Variants in KIAA1217 observed in about 807,000 individuals in gnomAD.
KIAA1217 encodes sickle tail protein homolog.
Under a neutral mutation model 163.9 loss-of-function variants are expected in KIAA1217, and 88 were observed. The observed-to-expected ratio is 0.54, with a 90% CI of 0.45 to 0.64. The LOEUF (loss-of-function observed/expected upper bound fraction) is 0.64. Among genes scored for constraint, KIAA1217 ranks in the 30% least tolerant of loss-of-function variants. KIAA1217 has a pLI of 0.00. For missense variants in KIAA1217, 2,372 were observed against 2,475.0 expected (o/e 0.96, Z 0.88); for synonymous variants, 903 against 923.1 (o/e 0.98, Z 0.39).
chr10:24,439,593 A>G (rs1298271882), intron 5 of KIAA1217, among the ~76,000 whole-genome samples: 1 of 152,108 alleles, frequency 6.6e-6, no homozygotes, highest in African/African-American at 2.4e-5. Context: ...CTGGTCTGAC[A>G]TAAGGGGTCA....
chr10:23,918,765 CAT>C (rs202081168), intron 1 of KIAA1217, among the ~76,000 whole-genome samples: 14 of 150,176 alleles, frequency 9.3e-5, no homozygotes, highest in Non-Finnish European at 1.3e-4. Flanking sequence ...CACACACACA[CAT>C]ATATAGTAAG....
intron 1 of KIAA1217, among the ~76,000 whole-genome samples, chr10:24,003,926 A>T (rs1298812791): frequency 6.6e-6 from 1 of 152,208 alleles, no homozygotes; most frequent in African/African-American, 2.4e-5. Flanking sequence ...AAGTCTTACG[A>T]ACTGGGTAGC....
At chr10:24,272,005 A>C in intron 2 of KIAA1217, among the ~76,000 whole-genome samples, 1 of 152,146 alleles carries the variant, frequency 6.6e-6, no homozygotes, top group East Asian at 1.9e-4. Flanking sequence ...ACCAAAGCCC[A>C]TGGGATGCTC....
intron 1 of KIAA1217, among the ~76,000 whole-genome samples, chr10:23,816,321 TC>T (rs1837311574): frequency 6.6e-6 from 1 of 152,096 alleles, no homozygotes; most frequent in South Asian, 2.1e-4. Flanking sequence ...TGAGGCGGAA[TC>T]TCCTCTGTTG....
At chr10:24,099,960 T>G (rs982861721) in intron 2 of KIAA1217, among the ~76,000 whole-genome samples, 6 of 152,048 alleles carry the variant, frequency 3.9e-5, no homozygotes, top group Non-Finnish European at 8.8e-5. Context: ...AGACTTGATA[T>G]GATTTCCTTG....
At chr10:23,880,331 G>C (rs1840894261) in intron 1 of KIAA1217, among the ~76,000 whole-genome samples, 4 of 151,904 alleles carry the variant, frequency 2.6e-5, no homozygotes, top group Admixed American at 2.6e-4. Context: ...TTTATGTTAA[G>C]TAAAATGAGC....
At position 24,536,693 on chromosome 10, in the gene KIAA1217, G is replaced by A. The variant is rs373295944; in HGVS notation, c.3415-81G>A. On this transcript the variant is annotated intron_variant, in intron 16 of 20. Transcript: ENST00000376454. ...AGGACCCGGGTTGGGGTCCACAAGCGTCTGGTTGTTCCTGCCTGTTTCCCT... is the reference window on the plus strand; with the variant it reads ...AGGACCCGGGTTGGGGTCCACAAGCATCTGGTTGTTCCTGCCTGTTTCCCT... The A allele has an allele frequency of 1.2e-4, 172 of 1,485,304 alleles. 1 individual carries two copies. The highest frequency in any genetic ancestry group is 3.3e-4 in the East Asian group (14 of 42,220). 92.0% of individuals were successfully genotyped at this position (1,485,304 alleles called of 1,614,324 possible).
chr10:24,106,538 T>G (rs1194347272), intron 2 of KIAA1217, among the ~76,000 whole-genome samples: 1 of 151,806 alleles, frequency 6.6e-6, no homozygotes, highest in Non-Finnish European at 1.5e-5. Context: ...ATTCAAGCTC[T>G]AACTGCCTAA....
chr10:24,201,069 G>A (rs1306488368), intron 2 of KIAA1217, among the ~76,000 whole-genome samples: 2 of 152,012 alleles, frequency 1.3e-5, no homozygotes, highest in Non-Finnish European at 2.9e-5. Flanking sequence ...TCAGGCGTTC[G>A]AGACCAGTCT....
chr10:24,099,745 C>G (rs1053444516), intron 2 of KIAA1217, among the ~76,000 whole-genome samples: 17 of 143,780 alleles, frequency 1.2e-4, no homozygotes, highest in Non-Finnish European at 2.1e-4. Context: ...CCCCCTCCCC[C>G]CATCCCACAA....
At chr10:24,075,401 T>C (rs2061337987) in intron 2 of KIAA1217, among the ~76,000 whole-genome samples, 1 of 152,158 alleles carries the variant, frequency 6.6e-6, no homozygotes, top group Non-Finnish European at 1.5e-5. Context: ...TTTTACTACA[T>C]ATTTTGAGTT....
chr10:24,134,328 A>T (rs1315950256), intron 2 of KIAA1217, among the ~76,000 whole-genome samples: 1 of 152,222 alleles, frequency 6.6e-6, no homozygotes, highest in Non-Finnish European at 1.5e-5. Context: ...GAGAGCAATT[A>T]GTTCCATTTG....
chr10:23,917,601 T>C (rs1321750126), intron 1 of KIAA1217, among the ~76,000 whole-genome samples: 1 of 152,112 alleles, frequency 6.6e-6, no homozygotes, highest in African/African-American at 2.4e-5. Flanking sequence ...TAGTTTTAGT[T>C]TGGAGATGTC....
At chr10:23,843,638 G>A (rs981303278) in intron 1 of KIAA1217, among the ~76,000 whole-genome samples, 1 of 152,142 alleles carries the variant, frequency 6.6e-6, no homozygotes, top group Non-Finnish European at 1.5e-5. Context: ...TTTGGCCAAT[G>A]GTGATACCCA....
intron 1 of KIAA1217, among the ~76,000 whole-genome samples, chr10:23,794,433 A>G (rs772585981): frequency 6.6e-6 from 1 of 152,198 alleles, no homozygotes; most frequent in African/African-American, 2.4e-5. Context: ...GCAAAGCTCA[A>G]GTTTTCACTA....
chr10:24,520,627 CAAAAAAAAAAAAAA>C (rs71472812), intron 11 of KIAA1217, among the ~76,000 whole-genome samples: 10 of 44,942 alleles, frequency 2.2e-4, no homozygotes, highest in Admixed American at 8.1e-4. Context: ...ACATCTCTAC[CAAAAAAAAAAAAAA>C]AAAAAAAAAA....
At position 23,893,986 on chromosome 10, in the gene KIAA1217, A is replaced by G. The variant is rs982144232; in HGVS notation, c.-320-113239A>G. On this transcript the variant is annotated intron_variant, in intron 1 of 18. Transcript: ENST00000376462. ...AATAAATTAGGTATTGATGGGATGT[A>G]TCTCAAAATAATAAGAACTATCTAT... Among the ~76,000 whole-genome samples, 40 of 152,194 alleles carry G rather than the reference A, an allele frequency of 2.6e-4. No homozygotes were observed. The South Asian group carries it at 3.3e-3, about 13-fold the overall frequency.
intron 1 of KIAA1217, among the ~76,000 whole-genome samples, chr10:23,790,673 T>C (rs61161854): frequency 8.0e-6 from 1 of 125,396 alleles, no homozygotes; most frequent in South Asian, 2.2e-4. Context: ...ATATATATCA[T>C]ATATATAATA....
chr10:24,105,793 C>A (rs2062603299), intron 2 of KIAA1217, among the ~76,000 whole-genome samples: 1 of 152,186 alleles, frequency 6.6e-6, no homozygotes, highest in Non-Finnish European at 1.5e-5. Context: ...CTTCATGGGG[C>A]TTTCGGCCTA....
Sources: allele counts gnomAD v4.1 joint callset (sites outside exome capture counted in the v4.1 genomes callset), GRCh38; gene constraint gnomAD v4.1.1; transcripts MANE v1.5; gene names NCBI Gene and HGNC (gene_info 2026-07-23, HGNC 2026-07-21).